Variants in CACNA1A observed in about 807,000 individuals in gnomAD.
CACNA1A encodes the protein calcium voltage-gated channel subunit alpha1 A, also known as voltage-dependent P/Q-type calcium channel subunit alpha-1A.
In CACNA1A, 57 loss-of-function variants were observed where a neutral mutation model predicts 262.4. The observed-to-expected ratio is 0.22, with a 90% CI of 0.18 to 0.27. CACNA1A has a LOEUF of 0.27. Among genes scored for constraint, CACNA1A ranks in the 10% least tolerant of loss-of-function variants. The pLI, the probability that CACNA1A is intolerant of heterozygous loss-of-function variation, is 1.00. For missense variants in CACNA1A, 2,526 were observed against 3,562.8 expected (o/e 0.71, Z 7.41); for synonymous variants, 1,431 against 1,419.3 (o/e 1.01, Z -0.18).
chr19:13,463,626 A>C (rs1162397785), intron 1 of CACNA1A, among the ~76,000 whole-genome samples: 1 of 152,238 alleles, frequency 6.6e-6, no homozygotes, highest in Non-Finnish European at 1.5e-5. Context: ...ATCTGCAAAG[A>C]CCTACATTTC....
intron 25 of CACNA1A, chr19:13,262,531 A>G (rs2056758650): frequency 3.6e-6 from 2 of 557,948 alleles, no homozygotes; most frequent in South Asian, 4.8e-5. Flanking sequence ...AAAAACTGCC[A>G]TAATACACAG....
chr19:13,439,355 C>A (rs2060671642), intron 3 of CACNA1A, among the ~76,000 whole-genome samples: 1 of 148,232 alleles, frequency 6.7e-6, no homozygotes, highest in African/African-American at 2.5e-5. Flanking sequence ...TGATTCGTTG[C>A]CCTCAAATCT....
chr19:13,372,096 G>C (rs1483310985), intron 3 of CACNA1A, among the ~76,000 whole-genome samples: 5 of 152,190 alleles, frequency 3.3e-5, no homozygotes, highest in Non-Finnish European at 1.5e-5. Context: ...AATGACAATA[G>C]ATTGTGGGGT....
rs1171619669 is a variant in CACNA1A, at chr19:13,402,869, CACACATATATATATAT to C, written c.540-31106_540-31091del. ...ACACATATATATATACACACACACA[CACACATATATATATAT>C]ATATATATATATATATATATATATA... On this transcript the variant is annotated intron_variant, in intron 3 of 46. Transcript: ENST00000360228. Among the ~76,000 whole-genome samples, 576 of 75,676 alleles carry C rather than the reference CACACATATATATATAT, an allele frequency of 7.6e-3. 10 individuals carry two copies. The highest frequency in any genetic ancestry group is 0.03 in the East Asian group (73 of 2,432). The allele number at this position is 75,676 out of a possible 152,430, so 49.6% of individuals were successfully genotyped here.
Position 13,298,826 on chromosome 19 carries a change from T to C in CACNA1A, c.2807A>G (p.Gln936Arg), listed in dbSNP as rs1179931638. 1 of 1,575,302 alleles carries C rather than the reference T, an allele frequency of 6.3e-7. No homozygotes were observed. Among genetic ancestry groups the C allele is most frequent in the African/African-American group, 1.4e-5 (1 of 72,652 alleles). ...GCTGCGGCTCTCCCTGCTGCCCCCC[T>C]GCCGGTGCACGTGCCTCCGGTGGGG... ...GDPHRRHVHR[Q>R]GGSRESRSGS... Residue 936 changes from glutamine (Q) to arginine (R), a missense_variant, in exon 19 of 47, where the codon CAG becomes CGG. By Grantham distance (43) the Gln-to-Arg change is conservative. Coordinates refer to ENST00000360228, the MANE Select transcript of CACNA1A (RefSeq NM_001127222.2).
chr19:13,310,603 C>T (rs928166608), intron 12 of CACNA1A, among the ~76,000 whole-genome samples: 6 of 143,482 alleles, frequency 4.2e-5, no homozygotes, highest in Admixed American at 7.1e-5. Flanking sequence ...TCCTTCTGTG[C>T]CATGTTACAT....
In CACNA1A at chr19:13,469,458, CTCTT is replaced by C. The variant is rs1247899224; in HGVS notation, c.294-14250_294-14247del. 3.0e-4 allele frequency among the ~76,000 whole-genome samples: 40 copies of C among 133,800 alleles called. 2 individuals carry two copies. Among genetic ancestry groups the C allele is most frequent in the Middle Eastern group, 3.7e-3 (1 of 268 alleles). 87.8% of individuals were successfully genotyped at this position (133,800 alleles called of 152,430 possible). On this transcript the variant is annotated intron_variant, in intron 1 of 46. Coordinates refer to ENST00000360228, the MANE Select transcript of CACNA1A (RefSeq NM_001127222.2). ...TTCCAGCATCCTTGTCTTGAACCACCTCTTTTTTTTTTTTTTTTTTTTTTTTTTT... is the reference window on the plus strand; with the variant it reads ...TTCCAGCATCCTTGTCTTGAACCACCTTTTTTTTTTTTTTTTTTTTTTTTT...
In CACNA1A at chr19:13,255,104, A is replaced by G; in HGVS notation, c.4746T>C (p.Leu1582=). Reference sequence around the variant, plus strand: ...GGTGTGGGGCACTTACCTTCATCATAAGCACGATGGTGTTGAGGGCGATCA... The same window carrying G: ...GGTGTGGGGCACTTACCTTCATCATGAGCACGATGGTGTTGAGGGCGATCA... ...MAMIALNTIV[L]MMKFYGASVA... The change falls in exon 29 of 47, where the codon CTT becomes CTC. Residue 1582 remains leucine (L), a synonymous_variant. Transcript: ENST00000360228. 6.2e-7 allele frequency: 1 copy of G among 1,613,818 alleles called. No individual in the cohort carries two copies. Among genetic ancestry groups the G allele is most frequent in the Non-Finnish European group, 8.5e-7 (1 of 1,179,798 alleles).
chr19:13,339,826 T>C (rs2058644521), intron 6 of CACNA1A, among the ~76,000 whole-genome samples: 1 of 151,114 alleles, frequency 6.6e-6, no homozygotes, highest in Non-Finnish European at 1.5e-5. Flanking sequence ...GCTTTAATCA[T>C]GGACACAGAC....
rs878982303 is a variant in CACNA1A, at chr19:13,359,574, T to C, written c.978+32A>G. 3 of 1,561,322 alleles carry C rather than the reference T, an allele frequency of 1.9e-6. No homozygotes were observed. In the South Asian group the frequency reaches 3.4e-5, roughly 18 times the overall value. On this transcript the variant is annotated intron_variant, in intron 6 of 46. Transcript: ENST00000360228. ...GGAGGCCACCTCCCTGAGACTCTGA[T>C]TGTCCACACACACTGTCCCAGCATC...
At chr19:13,391,236 T>G (rs560185901) in intron 3 of CACNA1A, among the ~76,000 whole-genome samples, 1 of 152,258 alleles carries the variant, frequency 6.6e-6, no homozygotes, top group Admixed American at 6.5e-5. Context: ...TAATCATGTC[T>G]TTTTTTGCCT....
chr19:13,209,195 C>T lies in CACNA1A; in HGVS notation c.6526+117G>A, dbSNP rs1275419948. The T allele has an allele frequency of 6.7e-6, 9 of 1,333,872 alleles. No individual in the cohort carries two copies. In the African/African-American group the frequency reaches 1.0e-4, roughly 15 times the overall value. 82.6% of individuals were successfully genotyped at this position (1,333,872 alleles called of 1,614,324 possible). A position where few individuals can be genotyped will look rare whatever the true frequency, so the allele number is the denominator to read the frequency against. ...GCAGCTGCTGCCTGGCCCCCTCTGT[C>T]CCCTCTCCATGGAGGCCTCTCCCTT... On this transcript the variant is annotated intron_variant, in intron 45 of 46. Transcript: ENST00000360228.
At chr19:13,392,937 G>A (rs1411525843) in intron 3 of CACNA1A, among the ~76,000 whole-genome samples, 2 of 152,038 alleles carry the variant, frequency 1.3e-5, no homozygotes, top group Non-Finnish European at 2.9e-5. Context: ...TTGCGGAGAC[G>A]GGGTTTTGCC....
At chr19:13,271,238 T>TTTTTTA (rs1400783586) in intron 24 of CACNA1A, 2 of 109,596 alleles carry the variant, frequency 1.8e-5, no homozygotes, top group African/African-American at 3.9e-5. Context: ...TTTTTTTTTT[T>TTTTTTA]GAGATGGAGT....
At chr19:13,498,894 C>T (rs1004260310) in intron 1 of CACNA1A, among the ~76,000 whole-genome samples, 3 of 152,122 alleles carry the variant, frequency 2.0e-5, no homozygotes, top group African/African-American at 7.2e-5. Context: ...CCAGGATAGT[C>T]CCAGGCAACC....
At position 13,209,148 on chromosome 19, in the gene CACNA1A, AG is replaced by A. The variant is rs535914868; in HGVS notation, c.6527-140del. On this transcript the variant is annotated intron_variant, in intron 45 of 46. Coordinates refer to ENST00000360228, the MANE Select transcript of CACNA1A (RefSeq NM_001127222.2). ...CGAGGCAGGTCAGTGGGTTGGGGGG[AG>A]GGGGTAGTACCCAGGTTCCTGCAGC... is the stretch of plus-strand genomic sequence containing the variant. 447 of 1,353,884 alleles carry A rather than the reference AG, an allele frequency of 3.3e-4. 1 individual carries two copies. Among genetic ancestry groups the A allele is most frequent in the Non-Finnish European group, 4.2e-4 (417 of 1,000,414 alleles). The allele number at this position is 1,353,884 out of a possible 1,614,324, so 83.9% of individuals were successfully genotyped here.
chr19:13,442,333 G>C (rs1050756272), intron 3 of CACNA1A, among the ~76,000 whole-genome samples: 1 of 152,110 alleles, frequency 6.6e-6, no homozygotes, highest in African/African-American at 2.4e-5. Context: ...TGAGCAATGG[G>C]GAAGCCAGGG....
intron 3 of CACNA1A, among the ~76,000 whole-genome samples, chr19:13,382,590 T>C (rs975425814): frequency 1.3e-5 from 2 of 152,274 alleles, no homozygotes; most frequent in East Asian, 1.9e-4. Flanking sequence ...GGTCTTGTCC[T>C]GTGGACAGTG....
At chr19:13,378,628 CT>C (rs34301614) in intron 3 of CACNA1A, among the ~76,000 whole-genome samples, 3 of 151,126 alleles carry the variant, frequency 2.0e-5, no homozygotes, top group African/African-American at 7.3e-5. Context: ...TGATTGTTAA[CT>C]TTTTTAGTAA....
Sources: allele counts gnomAD v4.1 joint callset (sites outside exome capture counted in the v4.1 genomes callset), GRCh38; gene constraint gnomAD v4.1.1; transcripts MANE v1.5; gene names NCBI Gene and HGNC (gene_info 2026-07-23, HGNC 2026-07-21).